The following CADM2 variants were observed in gnomAD, a reference collection of about 807,000 sequenced individuals.
CADM2 encodes cell adhesion molecule 2, also known as immunoglobulin superfamily member 4D.
In CADM2, 12 loss-of-function variants were observed where a neutral mutation model predicts 49.8. The ratio of observed to expected loss-of-function variants is 0.24; its 90% CI spans 0.15 to 0.39. The LOEUF is 0.39. Among genes scored for constraint, CADM2 ranks in the 10% least tolerant of loss-of-function variants. CADM2 has a pLI of 1.00. For missense variants in CADM2, 378 were observed against 492.3 expected (o/e 0.77, Z 2.20); for synonymous variants, 214 against 175.4 (o/e 1.22, Z -1.74).
At chr3:85,301,077 A>G (rs1275735354) in intron 1 of CADM2, among the ~76,000 whole-genome samples, 2 of 152,088 alleles carry the variant, frequency 1.3e-5, no homozygotes, top group East Asian at 1.9e-4. Context: ...ATGACTAAGC[A>G]TCTACAATAA....
chr3:85,477,011 T>A (rs1467214793), intron 1 of CADM2, among the ~76,000 whole-genome samples: 1 of 151,138 alleles, frequency 6.6e-6, no homozygotes, highest in Non-Finnish European at 1.5e-5. Context: ...ATAGAAATGC[T>A]CTTTAAGGAC....
chr3:85,434,573 G>A (rs2036839758), intron 1 of CADM2, among the ~76,000 whole-genome samples: 2 of 151,970 alleles, frequency 1.3e-5, no homozygotes, highest in Middle Eastern at 6.9e-3. Context: ...TTCCTATGAC[G>A]ATTATTGACT....
chr3:85,457,887 G>T (rs2038064385), intron 1 of CADM2, among the ~76,000 whole-genome samples: 1 of 151,894 alleles, frequency 6.6e-6, no homozygotes, highest in Non-Finnish European at 1.5e-5. Context: ...ATTCTTTTTG[G>T]CATTTGAAAT....
At chr3:85,909,747 G>A (rs1262322768) in intron 5 of CADM2, among the ~76,000 whole-genome samples, 2 of 152,166 alleles carry the variant, frequency 1.3e-5, no homozygotes, top group South Asian at 2.1e-4. Flanking sequence ...CATGAAAGAA[G>A]GATACACGTG....
At chr3:86,012,214 A>G (rs145598619) in intron 8 of CADM2, among the ~76,000 whole-genome samples, 189 of 152,294 alleles carry the variant, frequency 1.2e-3, no homozygotes, top group African/African-American at 4.1e-3. Context: ...GTGTATCTCA[A>G]TATGAAACAT....
At chr3:85,170,156 A>T (rs1243596783) in intron 1 of CADM2, among the ~76,000 whole-genome samples, 1 of 152,138 alleles carries the variant, frequency 6.6e-6, no homozygotes, top group African/African-American at 2.4e-5. Context: ...CTGCTATTTA[A>T]TTGGCATCTA....
At chr3:85,050,597 G>T (rs1201792509) in intron 1 of CADM2, among the ~76,000 whole-genome samples, 1 of 151,744 alleles carries the variant, frequency 6.6e-6, no homozygotes, top group African/African-American at 2.4e-5. Context: ...AGAAGTGAGA[G>T]ATCTAGAAAT....
At chr3:85,920,252 A>T (rs528414151) in intron 6 of CADM2, among the ~76,000 whole-genome samples, 3 of 151,992 alleles carry the variant, frequency 2.0e-5, no homozygotes, top group Non-Finnish European at 4.4e-5. Flanking sequence ...TTATCTAATT[A>T]TCTTGTCTAC....
At chr3:85,260,105 TATA>T (rs574943688) in intron 1 of CADM2, among the ~76,000 whole-genome samples, 34 of 152,156 alleles carry the variant, frequency 2.2e-4, no homozygotes, top group Non-Finnish European at 4.9e-4. Context: ...CTCAGTAGAA[TATA>T]ATAATCTCTG....
At chr3:86,058,910 C>G (rs958911638) in intron 8 of CADM2, among the ~76,000 whole-genome samples, 8 of 151,702 alleles carry the variant, frequency 5.3e-5, no homozygotes, top group East Asian at 1.9e-4. Flanking sequence ...CCTGGTCAAC[C>G]TGGTGAAACC....
intron 1 of CADM2, among the ~76,000 whole-genome samples, chr3:85,312,731 T>C (rs538702125): frequency 8.5e-5 from 13 of 152,230 alleles, no homozygotes; most frequent in Non-Finnish European, 1.9e-4. Context: ...ACTTCAAATA[T>C]CAATGGGGAA....
intron 8 of CADM2, among the ~76,000 whole-genome samples, chr3:86,048,913 C>T (rs539266723): frequency 6.6e-6 from 1 of 152,214 alleles, no homozygotes; most frequent in East Asian, 1.9e-4. Flanking sequence ...AACAAGGCCT[C>T]TAACTATAAA....
At chr3:85,753,254 G>A (rs1259958368) in intron 2 of CADM2, among the ~76,000 whole-genome samples, 1 of 152,020 alleles carries the variant, frequency 6.6e-6, no homozygotes, top group African/African-American at 2.4e-5. Context: ...GACAGTCCTG[G>A]CTTTGATGAA....
chr3:85,502,763 A>C (rs952317014), intron 1 of CADM2, among the ~76,000 whole-genome samples: 3 of 152,180 alleles, frequency 2.0e-5, no homozygotes, highest in African/African-American at 7.2e-5. Flanking sequence ...CAGAGGCAAA[A>C]GTTGAAAGGA....
chr3:85,935,670 A>G (rs538126716), intron 6 of CADM2, 97 bp from the exon 7 acceptor site: 9 of 516,498 alleles, frequency 1.7e-5, no homozygotes, highest in East Asian at 9.3e-5. Context: ...TATAAATAAT[A>G]TATAAGAAAT....
intron 3 of CADM2, among the ~76,000 whole-genome samples, chr3:85,833,755 A>G (rs1357208496): frequency 6.6e-6 from 1 of 151,658 alleles, no homozygotes; most frequent in Admixed American, 6.6e-5. Flanking sequence ...TAATTAATAT[A>G]GCTTTGTTAC....
chr3:85,378,954 G>A (rs975191826), intron 1 of CADM2, among the ~76,000 whole-genome samples: 1 of 151,840 alleles, frequency 6.6e-6, no homozygotes, highest in Non-Finnish European at 1.5e-5. Context: ...GAAATAAATC[G>A]TATTGACTAG....
chr3:85,278,045 G>T (rs1359828559), intron 1 of CADM2, among the ~76,000 whole-genome samples: 1 of 148,402 alleles, frequency 6.7e-6, no homozygotes, highest in African/African-American at 2.5e-5. Flanking sequence ...TGAAAATTGT[G>T]TATTTTTTTT....
chr3:85,330,992 A>G lies in CADM2; in HGVS notation c.61+371324A>G, dbSNP rs371409946. Among the ~76,000 whole-genome samples, 4 of 152,064 alleles carry G rather than the reference A, an allele frequency of 2.6e-5. No individual in the cohort carries two copies. In the East Asian group the frequency reaches 7.7e-4, roughly 29 times the overall value. On this transcript the variant is annotated intron_variant, in intron 1 of 9. Transcript: ENST00000383699. ...TAATAACAATCACTTTTTTATTTAGAACGTTTATGGATATATAATAGCTGT... is the reference window on the plus strand; with the variant it reads ...TAATAACAATCACTTTTTTATTTAGGACGTTTATGGATATATAATAGCTGT...
Sources: gnomAD v4.1 joint callset for allele counts (sites outside exome capture counted in the v4.1 genomes callset) on GRCh38, gnomAD v4.1.1 for gene constraint, MANE v1.5 for transcripts, NCBI Gene and HGNC (gene_info 2026-07-23, HGNC 2026-07-21) for gene names.